The following FGF14 variants were observed in gnomAD, a reference collection of about 807,000 sequenced individuals.
FGF14 encodes the protein fibroblast growth factor 14, also known as fibroblast growth factor homologous factor 4.
A neutral mutation model predicts 25.5 loss-of-function variants in FGF14; 5 were observed. That is an observed-to-expected ratio of 0.20 (90% CI 0.10 to 0.41). The LOEUF (loss-of-function observed/expected upper bound fraction) is 0.41, where lower values mean the gene tolerates loss of function less well. Ranked by LOEUF, FGF14 falls within the 10% of genes least tolerant of loss-of-function variation. The pLI, the probability that FGF14 is intolerant of heterozygous loss-of-function variation, is 1.00. For missense variants in FGF14, 222 were observed against 320.1 expected, an observed-to-expected ratio of 0.69 and a Z score of 2.34; for synonymous variants, 138 against 118.3, an observed-to-expected ratio of 1.17 and a Z score of -1.08.
chr13:101,935,576 A>G (rs1296271233), intron 1 of FGF14, among the ~76,000 whole-genome samples: 1 of 152,088 alleles, frequency 6.6e-6, no homozygotes, highest in African/African-American at 2.4e-5. Flanking sequence ...CCCTGCTTGC[A>G]CTCATTCTCT....
At position 102,366,189 on chromosome 13, in the gene FGF14, T is replaced by C. The variant is rs182402522; in HGVS notation, c.208+35282A>G. ...TCCTGCTGCCTTTCACTGGAGTTCATAGACTACTGACTCGTACCCAGTCTT... is the reference window on the plus strand; with the variant it reads ...TCCTGCTGCCTTTCACTGGAGTTCACAGACTACTGACTCGTACCCAGTCTT... On this transcript the variant is annotated intron_variant, in intron 1 of 4. Coordinates refer to the FGF14 transcript ENST00000376131. Among the ~76,000 whole-genome samples the C allele has an allele frequency of 2.9e-4, 44 of 152,264 alleles. No individual in the cohort carries two copies. In the East Asian group the frequency reaches 7.1e-3, roughly 25 times the overall value.
chr13:101,732,649 T>C (rs1411330121), intron 3 of FGF14, among the ~76,000 whole-genome samples: 1 of 148,724 alleles, frequency 6.7e-6, no homozygotes, highest in Non-Finnish European at 1.5e-5. Context: ...AAAGGGTTCT[T>C]TCAAATATCA....
chr13:102,227,702 T>A (rs1439964364), intron 1 of FGF14, among the ~76,000 whole-genome samples: 2 of 152,180 alleles, frequency 1.3e-5, no homozygotes, highest in African/African-American at 4.8e-5. Context: ...CCAAAAGGAC[T>A]TCTTGCCACG....
chr13:102,275,234 T>TTCTCTTTC (rs1249330049), intron 1 of FGF14, among the ~76,000 whole-genome samples: 55 of 67,476 alleles, frequency 8.2e-4, no homozygotes, highest in African/African-American at 3.3e-3. Context: ...TTAGGCAGAT[T>TTCTCTTTC]TCTCTCTCTC....
At chr13:102,027,140 G>T (rs1055688941) in intron 1 of FGF14, among the ~76,000 whole-genome samples, 3 of 151,856 alleles carry the variant, frequency 2.0e-5, no homozygotes, top group African/African-American at 7.3e-5. Flanking sequence ...AAACTTTCTA[G>T]TAAGAGTAAT....
intron 1 of FGF14, among the ~76,000 whole-genome samples, chr13:102,041,344 G>T (rs973651131): frequency 3.3e-5 from 5 of 151,638 alleles, no homozygotes; most frequent in Non-Finnish European, 1.5e-5. Context: ...TTAGAAAAAT[G>T]GGAGTGTAAT....
Position 102,350,278 on chromosome 13 carries a change from A to T in FGF14, c.208+51193T>A, listed in dbSNP as rs141994298. Among the ~76,000 whole-genome samples, 103 of 152,172 alleles carry T rather than the reference A, an allele frequency of 6.8e-4. 1 individual carries two copies. The highest frequency in any genetic ancestry group is 5.2e-3 in the South Asian group (25 of 4,816). ...CAGCTACTCAGGATGCTGAGGCAGG[A>T]GGATCCCTTGAGCCCAAGAGTTTGA... On this transcript the variant is annotated intron_variant, in intron 1 of 4. Coordinates refer to the FGF14 transcript ENST00000376131.
In FGF14 at chr13:102,309,131, A is replaced by AACACACACAC. The variant is rs1247982990; in HGVS notation, c.208+92339_208+92340insGTGTGTGTGT. Among the ~76,000 whole-genome samples the AACACACACAC allele has an allele frequency of 3.3e-3, 167 of 50,164 alleles. No homozygotes were observed. In the Middle Eastern group the frequency reaches 0.12, roughly 36 times the overall value. 32.9% of individuals were successfully genotyped at this position (50,164 alleles called of 152,430 possible). ...CACCCACACAAATGCATACATGCAT[A>AACACACACAC]ACATACACACACACACACACACACA... On this transcript the variant is annotated intron_variant, in intron 1 of 4. Coordinates refer to the FGF14 transcript ENST00000376131.
chr13:101,773,634 T>C (rs1194102278), intron 3 of FGF14, among the ~76,000 whole-genome samples: 1 of 151,802 alleles, frequency 6.6e-6, no homozygotes, highest in Non-Finnish European at 1.5e-5. Flanking sequence ...TCCTCACACA[T>C]TTAGTTATGG....
intron 1 of FGF14, among the ~76,000 whole-genome samples, chr13:102,232,258 C>T (rs2051118257): frequency 1.3e-5 from 2 of 151,150 alleles, no homozygotes; most frequent in Non-Finnish European, 2.9e-5. Context: ...GAAAAAAAAT[C>T]ACAGTCATAT....
intron 1 of FGF14, among the ~76,000 whole-genome samples, chr13:102,270,080 TC>T (rs2053175353): frequency 6.6e-6 from 1 of 152,124 alleles, no homozygotes; most frequent in African/African-American, 2.4e-5. Context: ...ATAGAATTAA[TC>T]TGTTATCTGA....
intron 1 of FGF14, among the ~76,000 whole-genome samples, chr13:101,880,838 CTGTTT>C (rs1368093674): frequency 4.4e-4 from 67 of 152,240 alleles, no homozygotes; most frequent in African/African-American, 1.5e-3. Flanking sequence ...AATTCACTTT[CTGTTT>C]TGTTTTTAAA....
chr13:101,898,808 G>A (rs1005893605), intron 1 of FGF14, among the ~76,000 whole-genome samples: 5 of 152,126 alleles, frequency 3.3e-5, no homozygotes, highest in African/African-American at 7.2e-5. Flanking sequence ...AAGAAAATTG[G>A]TTGATGGCAC....
At chr13:101,897,290 T>C (rs529045882) in intron 1 of FGF14, among the ~76,000 whole-genome samples, 2 of 152,218 alleles carry the variant, frequency 1.3e-5, no homozygotes, top group Non-Finnish European at 2.9e-5. Context: ...ATAAACTTAG[T>C]TGAGAAATAA....
At chr13:102,011,116 A>G (rs1376921379) in intron 1 of FGF14, among the ~76,000 whole-genome samples, 5 of 152,178 alleles carry the variant, frequency 3.3e-5, no homozygotes, top group Admixed American at 2.6e-4. Flanking sequence ...AAACTTGAAG[A>G]CATTGTTTTT....
chr13:102,202,844 C>A (rs1216490255), intron 1 of FGF14, among the ~76,000 whole-genome samples: 2 of 152,184 alleles, frequency 1.3e-5, no homozygotes, highest in African/African-American at 2.4e-5. Flanking sequence ...AGGGCTCAGA[C>A]TTAGAATACT....
At chr13:102,163,507 C>T (rs187160430) in intron 1 of FGF14, among the ~76,000 whole-genome samples, 161 of 152,158 alleles carry the variant, frequency 1.1e-3, no homozygotes, top group Non-Finnish European at 1.8e-3. Context: ...CCCATGAATA[C>T]GATGAACTTA....
At chr13:101,826,254 C>T (rs1479385309) in intron 3 of FGF14, among the ~76,000 whole-genome samples, 1 of 151,962 alleles carries the variant, frequency 6.6e-6, no homozygotes, top group African/African-American at 2.4e-5. Context: ...TTTCACTAAC[C>T]TCCCCCCGTC....
intron 1 of FGF14, among the ~76,000 whole-genome samples, chr13:102,037,765 C>T (rs2041545505): frequency 6.6e-6 from 1 of 152,142 alleles, no homozygotes. Flanking sequence ...CCGTTGCAGA[C>T]CAGTATCCAA....
Sources: allele counts gnomAD v4.1 joint callset (sites outside exome capture counted in the v4.1 genomes callset), GRCh38; gene constraint gnomAD v4.1.1; transcripts MANE v1.5; gene names NCBI Gene and HGNC (gene_info 2026-07-23, HGNC 2026-07-21).